TONSL: variants seen among roughly 807,000 people sequenced by gnomAD.
TONSL encodes the protein tonsoku-like protein.
A neutral mutation model predicts 147.1 loss-of-function variants in TONSL; 112 were observed. The ratio of observed to expected loss-of-function variants is 0.76; its 90% CI spans 0.65 to 0.89. TONSL has a LOEUF of 0.89. Ranked by LOEUF, TONSL falls within the 40% of genes least tolerant of loss-of-function variation. TONSL has a pLI of 0.00. For missense variants in TONSL, 1,883 were observed against 1,864.6 expected (o/e 1.01, Z -0.18); for synonymous variants, 868 against 801.5 (o/e 1.08, Z -1.40).
At position 144,436,340 on chromosome 8, in the gene TONSL, C is replaced by T. The variant is rs1001677456; in HGVS notation, c.2093G>A (p.Cys698Tyr). The change falls in exon 17 of 26, where the codon TGC (cysteine) becomes TAC (tyrosine). Residue 698 changes from cysteine to tyrosine, a missense_variant. Coordinates refer to ENST00000409379, the MANE Select transcript of TONSL (RefSeq NM_013432.5). Reference protein sequence around the residue: ...DPETSPPLSPCPEPPSNSTRL... With the variant: ...DPETSPPLSPYPEPPSNSTRL... ...AGTGCTATTAGAGGGGGGTTCTGGG[C>T]AGGGGCTCAAAGGAGGAGAGGTCTC... 3 of 1,502,334 alleles carry T rather than the reference C, an allele frequency of 2.0e-6. No individual in the cohort carries two copies. In the African/African-American group the frequency reaches 4.2e-5, roughly 21 times the overall value. The allele number at this position is 1,502,334 out of a possible 1,614,324, so 93.1% of individuals were successfully genotyped here.
At chr8:144,444,046 C>T in intron 2 of TONSL, 22 bp from the exon 3 acceptor site, 2 of 1,502,400 alleles carry the variant, frequency 1.3e-6, no homozygotes, top group Non-Finnish European at 8.9e-7. Context: ...CACAGCACGG[C>T]CTGGCAGGCG....
intron 22 of TONSL, chr8:144,432,697 A>G (rs572117685): frequency 9.1e-6 from 4 of 441,200 alleles, no homozygotes; most frequent in East Asian, 7.5e-5. Context: ...CTCCCACCCC[A>G]CAACCACACG....
intron 11 of TONSL, 55 bp from the exon 12 acceptor site, chr8:144,438,790 G>T: frequency 6.4e-7 from 1 of 1,558,572 alleles, no homozygotes. Context: ...AAGGTTAGCA[G>T]CCCCCACCCT....
chr8:144,437,078 C>A lies in TONSL; in HGVS notation c.1675G>T (p.Asp559Tyr). Residue 559 changes from aspartate to tyrosine, a missense_variant, in exon 14 of 26, where the codon GAC becomes TAC. Coordinates refer to ENST00000409379, the MANE Select transcript of TONSL (RefSeq NM_013432.5). ...TGCAGAGGTGTCCAGCCACAGTAGT[C>A]CCGAGGGTTAAGGGGGTGGCCCTGT... ...VRQGHPLNPRDYCGWTPLHEA... is the reference protein window; with the variant it reads ...VRQGHPLNPRYYCGWTPLHEA... 2 of 1,613,150 alleles carry A rather than the reference C, an allele frequency of 1.2e-6. No homozygotes were observed. Among genetic ancestry groups the A allele is most frequent in the Non-Finnish European group, 1.7e-6 (2 of 1,179,986 alleles).
chr8:144,444,274 C>T lies in TONSL; in HGVS notation c.27G>A (p.Gln9=). 2 of 1,433,474 alleles carry T rather than the reference C, an allele frequency of 1.4e-6. No individual in the cohort carries two copies. The highest frequency in any genetic ancestry group is 1.8e-6 in the Non-Finnish European group (2 of 1,092,740). The allele number at this position is 1,433,474 out of a possible 1,614,324, so 88.8% of individuals were successfully genotyped here. A position where few individuals can be genotyped will look rare whatever the true frequency, so the allele number is the denominator to read the frequency against. The change falls in exon 2 of 26, where the codon CAG becomes CAA. Residue 9 remains glutamine, a splice_region_variant and synonymous_variant. Coordinates refer to ENST00000409379, the MANE Select transcript of TONSL (RefSeq NM_013432.5). ...GCGCCTTGGCTTTCGCCTTGCTCAG[C>T]TCTGTGGGAGGAAGAGGAGGGCTGG... MSLERELR[Q]LSKAKAKAQR...
At chr8:144,442,983 G>A (rs1180656948) in intron 4 of TONSL, 155 bp downstream of exon 4, 2 of 1,229,040 alleles carry the variant, frequency 1.6e-6, no homozygotes, top group Non-Finnish European at 2.2e-6. Context: ...GATCTCCAGG[G>A]GAAAGGTTGA....
Position 144,444,266 on chromosome 8 carries a change from T to G in TONSL, c.35A>C (p.Lys12Thr). The change falls in exon 2 of 26, where the codon AAG becomes ACG. Residue 12 changes from lysine to threonine, a missense_variant. Coordinates refer to ENST00000409379, the MANE Select transcript of TONSL (RefSeq NM_013432.5). ...SLERELRQLS[K>T]AKAKAQRAGQ... The stretch of plus-strand genomic sequence containing the variant: ...GGCCCTCTGCGCCTTGGCTTTCGCC[T>G]TGCTCAGCTCTGTGGGAGGAAGAGG... 2 of 1,451,694 alleles carry G rather than the reference T, an allele frequency of 1.4e-6. No individual in the cohort carries two copies. The allele number at this position is 1,451,694 out of a possible 1,614,324, so 89.9% of individuals were successfully genotyped here. A position where few individuals can be genotyped will look rare whatever the true frequency, so the allele number is the denominator to read the frequency against.
Position 144,429,011 on chromosome 8 carries a change from G to C in TONSL, c.*132C>G, listed in dbSNP as rs1238423911. 4.8e-6 allele frequency: 5 copies of C among 1,044,782 alleles called. No homozygotes were observed. Among genetic ancestry groups the C allele is most frequent in the Non-Finnish European group, 6.6e-6 (5 of 761,256 alleles). 64.7% of individuals were successfully genotyped at this position (1,044,782 alleles called of 1,614,324 possible). Reference sequence around the variant, plus strand: ...TCACCATGTTAGCCAGGATGGTCTCGATCTCCTGACCTCGTGATCCGCCCG... The same window carrying C: ...TCACCATGTTAGCCAGGATGGTCTCCATCTCCTGACCTCGTGATCCGCCCG... On this transcript the variant is annotated 3_prime_UTR_variant, in exon 26 of 26. Coordinates refer to ENST00000409379, the MANE Select transcript of TONSL (RefSeq NM_013432.5).
rs766246173 is a variant in TONSL at position 144,434,883 on chromosome 8, C to T, written c.3013G>A (p.Ala1005Thr). ...DVLQSNDEVL[A>T]EVTSWDLPPL... ...GGCAGGTCCCACGAAGTCACCTCAG[C>T]CAACACCTGGAAGGCACCGTCATGA... The change falls in exon 20 of 26, where the codon GCT (alanine) becomes ACT (threonine). Residue 1005 changes from alanine (A) to threonine (T), a missense_variant. Transcript: ENST00000409379. 5.0e-6 allele frequency: 8 copies of T among 1,613,378 alleles called. No individual in the cohort carries two copies. The Admixed American group carries it at 1.3e-4, about 27-fold the overall frequency.
chr8:144,435,291 C>T (rs976448435), intron 18 of TONSL, 121 bp from the exon 19 acceptor site: 43 of 1,355,336 alleles, frequency 3.2e-5, no homozygotes, highest in African/African-American at 7.4e-5. Context: ...CCCAGGTAGC[C>T]GGCCCCTCCT....
At position 144,430,529 on chromosome 8, in the gene TONSL, G is replaced by C; in HGVS notation, c.3818C>G (p.Ser1273Cys). The C allele has an allele frequency of 1.9e-6, 3 of 1,611,028 alleles. No individual in the cohort carries two copies. Among genetic ancestry groups the C allele is most frequent in the Non-Finnish European group, 2.5e-6 (3 of 1,178,626 alleles). The change falls in exon 25 of 26, where the codon TCT (serine) becomes TGT (cysteine). Residue 1273 changes from serine to cysteine, a missense_variant. Coordinates refer to ENST00000409379, the MANE Select transcript of TONSL (RefSeq NM_013432.5). ...CAGTGAGATGAGTGAGGGGCACAGA[G>C]AGAGACATCTGAGATAACATGGGAA... ...KAVRDLCRCL[S>C]LCPSLISLDL...
intron 20 of TONSL, 32 bp downstream of exon 20, chr8:144,434,779 C>T (rs1823364436): frequency 1.2e-6 from 2 of 1,607,990 alleles, no homozygotes; most frequent in Non-Finnish European, 1.7e-6. Flanking sequence ...TGTACGACCT[C>T]ACCCAGAAAC....
chr8:144,440,994 G>A lies in TONSL; in HGVS notation c.983C>T (p.Pro328Leu), dbSNP rs771890599. The A allele has an allele frequency of 1.9e-6, 3 of 1,613,166 alleles. No individual in the cohort carries two copies. Among genetic ancestry groups the A allele is most frequent in the East Asian group, 2.2e-5 (1 of 44,874 alleles). The change falls in exon 8 of 26, where the codon CCC (proline) becomes CTC (leucine). Residue 328 changes from proline (P) to leucine (L), a missense_variant. Pro to Leu is a moderately conservative substitution (Grantham distance 98). Transcript: ENST00000409379. ...GDLFSKAGDFPRAAEAYQKQL... is the reference protein window; with the variant it reads ...GDLFSKAGDFLRAAEAYQKQL... Reference sequence around the variant, plus strand: ...CTTCTGGTAAGCCTCAGCTGCCCTGGGAAAGTCTCCTGCCTTGGAGAAGAG... The same window carrying A: ...CTTCTGGTAAGCCTCAGCTGCCCTGAGAAAGTCTCCTGCCTTGGAGAAGAG...
Position 144,442,751 on chromosome 8 carries a change from C to A in TONSL, c.504G>T (p.Leu168=). The A allele has an allele frequency of 6.2e-7, 1 of 1,613,130 alleles. No individual in the cohort carries two copies. The highest frequency in any genetic ancestry group is 8.5e-7 in the Non-Finnish European group (1 of 1,179,964). The change falls in exon 5 of 26, where the codon CTG becomes CTT. Residue 168 remains leucine (L), a synonymous_variant. Coordinates refer to ENST00000409379, the MANE Select transcript of TONSL (RefSeq NM_013432.5). ...NEMRTRLYLN[L]GLTFESLQQT... is the part of the protein sequence containing the mutation. ...GCTGCAGGCTCTCAAAGGTGAGGCC[C>A]AGGTTGAGATAGAGGCGGGTCCTCA...
Position 144,435,155 on chromosome 8 carries a change from A to G in TONSL, c.2868T>C (p.Ser956=), listed in dbSNP as rs1438481016. 1.9e-6 allele frequency: 3 copies of G among 1,559,332 alleles called. No homozygotes were observed. The South Asian group carries it at 3.5e-5, about 18-fold the overall frequency. ...IPVPHSSDTH[S]VAWLAEQAAQ... is the part of the protein sequence containing the mutation. ...CCGCCTGCTCGGCCAGCCAGGCCAC[A>G]GAGTGGGTGTCACTGCTGCAGGGAC... Residue 956 remains serine (S), a synonymous_variant, in exon 19 of 26, where the codon TCT becomes TCC. Coordinates refer to ENST00000409379, the MANE Select transcript of TONSL (RefSeq NM_013432.5).
At chr8:144,441,953 T>A in intron 7 of TONSL, 84 bp downstream of exon 7, 1 of 1,220,568 alleles carries the variant, frequency 8.2e-7, no homozygotes, top group Non-Finnish European at 1.2e-6. Context: ...GAGAGCCCTG[T>A]ACACACCTGG....
rs755724409 is a variant in TONSL, at chr8:144,435,545, C to T, written c.2781G>A (p.Pro927=). The change falls in exon 18 of 26, where the codon CCG becomes CCA. Residue 927 remains proline (P), a synonymous_variant. Coordinates refer to ENST00000409379, the MANE Select transcript of TONSL (RefSeq NM_013432.5). ...GAACCCGGATGGGAGGGGGCGGGGCCGGACCCTGGCAGGTGAAGGCAGCAG... is the reference window on the plus strand; with the variant it reads ...GAACCCGGATGGGAGGGGGCGGGGCTGGACCCTGGCAGGTGAAGGCAGCAG... ...DSSAAGQPLG[P]APPPPIRVRV... The T allele has an allele frequency of 1.8e-4, 276 of 1,552,332 alleles. No individual in the cohort carries two copies. Among genetic ancestry groups the T allele is most frequent in the Non-Finnish European group, 1.0e-4 (117 of 1,147,752 alleles).
At position 144,436,836 on chromosome 8, in the gene TONSL, T is replaced by C; in HGVS notation, c.1811A>G (p.Asp604Gly). Residue 604 changes from aspartate (D) to glycine (G), a missense_variant, in exon 15 of 26, where the codon GAT becomes GGT. Coordinates refer to ENST00000409379, the MANE Select transcript of TONSL (RefSeq NM_013432.5). ...CTCGAAGTGGCCACAGTTGAGGGCA[T>C]CGTGGAGGGGGGTGATGCCTTCGCA... is the stretch of plus-strand genomic sequence containing the variant. The part of the protein sequence containing the change: ...QGCEGITPLH[D>G]ALNCGHFEVA... 6.2e-7 allele frequency: 1 copy of C among 1,611,070 alleles called. No individual in the cohort carries two copies. The highest frequency in any genetic ancestry group is 8.5e-7 in the Non-Finnish European group (1 of 1,179,934).
Position 144,435,751 on chromosome 8 carries a change from C to T in TONSL, c.2682G>A (p.Gly894=), listed in dbSNP as rs2130848185. The T allele has an allele frequency of 6.2e-6, 10 of 1,612,892 alleles. No individual in the cohort carries two copies. The highest frequency in any genetic ancestry group is 2.2e-5 in the East Asian group (1 of 44,880). The change falls in exon 17 of 26, where the codon GGG becomes GGA. Residue 894 remains glycine, a synonymous_variant. Transcript: ENST00000409379. The part of the protein sequence containing the change: ...MQSCSAPVNA[G]PSSLASEPPG... Reference sequence around the variant, plus strand: ...GAGGTTCTGAAGCCAGGCTGCTGGGCCCTGCGTTAACTGGCGCACTGCAAC... The same window carrying T: ...GAGGTTCTGAAGCCAGGCTGCTGGGTCCTGCGTTAACTGGCGCACTGCAAC...
Sources: allele counts gnomAD v4.1 joint callset, GRCh38; gene constraint gnomAD v4.1.1; transcripts MANE v1.5; gene names NCBI Gene and HGNC (gene_info 2026-07-23, HGNC 2026-07-21).